The following SPAG6 variants were observed in gnomAD, a reference collection of about 807,000 sequenced individuals.
SPAG6 encodes sperm associated antigen 6.
Under a neutral mutation model 58.5 loss-of-function variants are expected in SPAG6, and 49 were observed. The ratio of observed to expected loss-of-function variants is 0.84; its 90% CI spans 0.67 to 1.06. The LOEUF is 1.06. Ranked by LOEUF, SPAG6 falls within the 50% of genes least tolerant of loss-of-function variation. The pLI, the probability that SPAG6 is intolerant of heterozygous loss-of-function variation, is 0.00. For synonymous variants in SPAG6, 233 were observed against 225.6 expected (o/e 1.03, Z -0.29); for missense variants, 560 against 611.3 (o/e 0.92, Z 0.89).
At chr10:22,366,310 A>C (rs1291510075) in intron 3 of SPAG6, among the ~76,000 whole-genome samples, 1 of 152,210 alleles carries the variant, frequency 6.6e-6, no homozygotes, top group Non-Finnish European at 1.5e-5. Flanking sequence ...CAGACACAAA[A>C]GGCCACAGAT....
At chr10:22,391,606 T>C (rs1456229565) in intron 7 of SPAG6, 123 bp from the exon 8 acceptor site, 8 of 763,260 alleles carry the variant, frequency 1.0e-5, no homozygotes, top group South Asian at 3.6e-5. Flanking sequence ...TGCTCATTTA[T>C]TGAACCATTT....
chr10:22,379,941 C>T (rs1316860920), intron 4 of SPAG6, among the ~76,000 whole-genome samples: 2 of 151,478 alleles, frequency 1.3e-5, no homozygotes, highest in South Asian at 4.2e-4. Flanking sequence ...ACTACAGGCA[C>T]GTGCCACCAT....
At chr10:22,413,180 T>C (rs1426341184) in intron 10 of SPAG6, 1 of 151,842 alleles carries the variant, frequency 6.6e-6, no homozygotes, top group Non-Finnish European at 1.5e-5. Flanking sequence ...TTTCCACTTT[T>C]TTGAAGGCAT....
chr10:22,394,253 T>C (rs1834244086), intron 8 of SPAG6, among the ~76,000 whole-genome samples: 1 of 152,176 alleles, frequency 6.6e-6, no homozygotes, highest in African/African-American at 2.4e-5. Context: ...GAAGTTTTTT[T>C]CTAATAAGCT....
chr10:22,389,180 C>G lies in SPAG6; in HGVS notation c.873C>G (p.Asn291Lys). The change falls in exon 7 of 11, where the codon AAC (asparagine) becomes AAG (lysine). Residue 291 changes from asparagine (N) to lysine (K), a missense_variant. Coordinates refer to ENST00000376624, the MANE Select transcript of SPAG6 (RefSeq NM_012443.4). ...HTPELSQLVV[N>K]AGGVAAVIDC... ...CTTAGCTTTCACAGCTGGTAGTTAA[C>G]GCAGGAGGGGTTGCTGCCGTGATTG... 6.2e-7 allele frequency: 1 copy of G among 1,613,356 alleles called. No homozygotes were observed. Among genetic ancestry groups the G allele is most frequent in the Non-Finnish European group, 8.5e-7 (1 of 1,179,660 alleles).
At chr10:22,366,660 A>G (rs1374585544) in intron 3 of SPAG6, among the ~76,000 whole-genome samples, 1 of 152,202 alleles carries the variant, frequency 6.6e-6, no homozygotes, top group Non-Finnish European at 1.5e-5. Context: ...AATGCTTGTT[A>G]TAGCTCTACA....
At chr10:22,397,978 T>G (rs1198469992) in intron 8 of SPAG6, among the ~76,000 whole-genome samples, 3 of 152,122 alleles carry the variant, frequency 2.0e-5, no homozygotes, top group African/African-American at 7.2e-5. Context: ...AAGAAGAACT[T>G]AACACTCCCC....
At chr10:22,372,701 A>T (rs541644033) in intron 4 of SPAG6, among the ~76,000 whole-genome samples, 6 of 152,146 alleles carry the variant, frequency 3.9e-5, no homozygotes, top group Non-Finnish European at 8.8e-5. Flanking sequence ...GTTTTGTGTG[A>T]ATAGTCTTCC....
chr10:22,394,350 T>C (rs1371831706), intron 8 of SPAG6, among the ~76,000 whole-genome samples: 1 of 152,200 alleles, frequency 6.6e-6, no homozygotes, highest in East Asian at 1.9e-4. Flanking sequence ...TCATCTTACT[T>C]TGGCATTTGA....
chr10:22,371,347 G>A (rs1039264128), intron 4 of SPAG6, among the ~76,000 whole-genome samples: 6 of 151,900 alleles, frequency 3.9e-5, no homozygotes, highest in Non-Finnish European at 8.8e-5. Context: ...TCCACCTCCC[G>A]GGTTCAAGTG....
chr10:22,349,144 TG>T (rs1683380943), intron 2 of SPAG6, among the ~76,000 whole-genome samples: 1 of 152,096 alleles, frequency 6.6e-6, no homozygotes, highest in Admixed American at 6.5e-5. Flanking sequence ...CCGCCACGCC[TG>T]GGTAGTAAGT....
At chr10:22,412,980 A>G (rs1286740097) in intron 10 of SPAG6, 1 of 150,048 alleles carries the variant, frequency 6.7e-6, no homozygotes. Context: ...TATACGTGGA[A>G]TATGTGTCCC....
At chr10:22,392,567 T>G (rs1834206975) in intron 8 of SPAG6, among the ~76,000 whole-genome samples, 1 of 152,066 alleles carries the variant, frequency 6.6e-6, no homozygotes, top group South Asian at 2.1e-4. Context: ...AAATAAAATG[T>G]TTTCCAGCAT....
intron 6 of SPAG6, among the ~76,000 whole-genome samples, 189 bp downstream of exon 6, chr10:22,388,185 A>G (rs1054346280): frequency 6.6e-6 from 1 of 151,592 alleles, no homozygotes; most frequent in African/African-American, 2.4e-5. Context: ...ACATTGTAGG[A>G]CGGATGTTTA....
At chr10:22,390,080 CCCTTACTAAT>C (rs1438887777) in intron 7 of SPAG6, among the ~76,000 whole-genome samples, 3 of 151,996 alleles carry the variant, frequency 2.0e-5, no homozygotes, top group Non-Finnish European at 2.9e-5. Context: ...TTTTTTTTAT[CCCTTACTAAT>C]CCTCAGAATA....
intron 10 of SPAG6, among the ~76,000 whole-genome samples, chr10:22,411,864 TTTGAGACAGAGTC>T (rs1366740293): frequency 1.5e-5 from 2 of 133,578 alleles, no homozygotes; most frequent in East Asian, 2.0e-4. Context: ...TTTTTTTTTT[TTTGAGACAGAGTC>T]TTGCTCTGTC....
chr10:22,375,961 CCTTTTGAT>C (rs1833806589), intron 4 of SPAG6, among the ~76,000 whole-genome samples: 2 of 152,022 alleles, frequency 1.3e-5, no homozygotes, highest in Admixed American at 6.6e-5. Flanking sequence ...TCTCTGTATC[CCTTTTGAT>C]CTCACACTAC....
chr10:22,348,149 C>A (rs1836618971), intron 2 of SPAG6, among the ~76,000 whole-genome samples: 1 of 152,098 alleles, frequency 6.6e-6, no homozygotes, highest in Admixed American at 6.5e-5. Flanking sequence ...CGCCACCATG[C>A]CCAGCTAATT....
intron 10 of SPAG6, among the ~76,000 whole-genome samples, chr10:22,413,951 C>G (rs1017349008): frequency 2.0e-5 from 3 of 151,926 alleles, no homozygotes; most frequent in African/African-American, 7.3e-5. Context: ...TGTTACTAAC[C>G]TAAATATTTA....
Sources: allele counts gnomAD v4.1 joint callset (sites outside exome capture counted in the v4.1 genomes callset), GRCh38; gene constraint gnomAD v4.1.1; transcripts MANE v1.5; gene names NCBI Gene and HGNC (gene_info 2026-07-23, HGNC 2026-07-21).